The following TEX14 variants were observed in gnomAD, a reference collection of about 807,000 sequenced individuals.
TEX14 encodes the protein testis expressed 14, intercellular bridge forming factor.
TEX14 carries 168 observed loss-of-function variants against 178.6 expected under a neutral mutation model. The observed-to-expected ratio is 0.94, with a 90% CI of 0.83 to 1.07. The LOEUF (loss-of-function observed/expected upper bound fraction) is 1.07. Among genes scored for constraint, TEX14 ranks in the 50% least tolerant of loss-of-function variants. The probability of loss-of-function intolerance (pLI) is 0.00; values close to 1 mark genes in which losing one functional copy is unlikely to be tolerated. For missense variants in TEX14, 1,730 were observed against 1,753.6 expected (o/e 0.99, Z 0.24); for synonymous variants, 626 against 634.1 (o/e 0.99, Z 0.19).
chr17:58,561,689 G>GAGTA, intron 28 of TEX14, 77 bp from the exon 29 acceptor site: 1 of 940,216 alleles, frequency 1.1e-6, no homozygotes. Context: ...TAACACTTTA[G>GAGTA]AGTAGAAAGG....
At position 58,601,884 on chromosome 17, in the gene TEX14, C is replaced by T. The variant is rs762466661; in HGVS notation, c.1600G>A (p.Val534Ile). The change falls in exon 13 of 32, where the codon GTC becomes ATC. Residue 534 changes from valine (V) to isoleucine (I), a missense_variant. This residue lies in a region of TEX14 where 789 missense variants were observed against 681.2 expected (regional missense o/e 1.16). Coordinates refer to ENST00000349033, the MANE Select transcript of TEX14 (RefSeq NM_031272.5). ...RVQRYGLHPDVNVYLGLTSEH... is the reference protein window; with the variant it reads ...RVQRYGLHPDINVYLGLTSEH... Reference sequence around the variant, plus strand: ...GAAGTCAGTCCTAGATAGACATTGACATCGGGATGGAGTCCGTATCTCTGC... The same window carrying T: ...GAAGTCAGTCCTAGATAGACATTGATATCGGGATGGAGTCCGTATCTCTGC... 2 of 1,613,446 alleles carry T rather than the reference C, an allele frequency of 1.2e-6. No homozygotes were observed. The highest frequency in any genetic ancestry group is 1.1e-5 in the South Asian group (1 of 91,034).
intron 10 of TEX14, 144 bp from the exon 11 acceptor site, chr17:58,605,273 C>T: frequency 1.1e-6 from 1 of 882,254 alleles, no homozygotes; most frequent in African/African-American, 1.7e-5. Context: ...CTCACTGCAA[C>T]CTCTGCCACC....
intron 1 of TEX14, among the ~76,000 whole-genome samples, chr17:58,680,677 A>C (rs1217544424): frequency 1.1e-4 from 16 of 152,068 alleles, no homozygotes. Context: ...TGGAGGTTGC[A>C]ATGAGCTGAG....
In TEX14 at chr17:58,601,981, G is replaced by A. The variant is rs760465952; in HGVS notation, c.1528-25C>T. 16 of 1,610,792 alleles carry A rather than the reference G, an allele frequency of 9.9e-6. 1 individual carries two copies. The South Asian group carries it at 1.8e-4, about 18-fold the overall frequency. On this transcript the variant is annotated intron_variant, in intron 12 of 31. Transcript: ENST00000349033. ...CCTGTAACACAGGAAATATTGTCAA[G>A]GACATAGTCTCAGTCATCCTGAATG...
rs756491192 is a variant in TEX14 at position 58,573,277 on chromosome 17, T to TTA, written c.3414_3415insTA (p.Ile1139Ter). ...AAAGAGCTGTCTGGTTCATAGGAGATACTAGACAGGTCTTGAATATCCGTC... is the reference window on the plus strand; with the variant it reads ...AAAGAGCTGTCTGGTTCATAGGAGATTAACTAGACAGGTCTTGAATATCCGTC... On this transcript the variant is annotated frameshift_variant, in exon 23 of 32. Coordinates refer to ENST00000349033, the MANE Select transcript of TEX14 (RefSeq NM_031272.5). LOFTEE classifies it high-confidence loss of function. The TTA allele has an allele frequency of 1.9e-6, 3 of 1,613,336 alleles. No homozygotes were observed. The highest frequency in any genetic ancestry group is 2.5e-6 in the Non-Finnish European group (3 of 1,179,238).
At chr17:58,629,255 C>A (rs2046222214) in intron 3 of TEX14, among the ~76,000 whole-genome samples, 1 of 151,484 alleles carries the variant, frequency 6.6e-6, no homozygotes, top group African/African-American at 2.4e-5. Context: ...GAGTTCGAGA[C>A]CAGCCTGGCC....
chr17:58,604,968 C>G lies in TEX14; in HGVS notation c.1336+10G>C. The stretch of plus-strand genomic sequence containing the variant: ...GGGACTTTGGTCAACCATTAATGAT[C>G]TTGATCTACCTGTTAAAATCTCCTG... On this transcript the variant is annotated intron_variant, in intron 11 of 31. Transcript: ENST00000349033. 2 of 1,614,050 alleles carry G rather than the reference C, an allele frequency of 1.2e-6. No individual in the cohort carries two copies. The highest frequency in any genetic ancestry group is 1.7e-6 in the Non-Finnish European group (2 of 1,179,938).
At chr17:58,673,048 A>G (rs1232962649) in intron 1 of TEX14, among the ~76,000 whole-genome samples, 1 of 151,806 alleles carries the variant, frequency 6.6e-6, no homozygotes, top group Non-Finnish European at 1.5e-5. Flanking sequence ...CCTTTTATAC[A>G]TACTTTTTTT....
intron 2 of TEX14, among the ~76,000 whole-genome samples, chr17:58,639,955 G>A (rs909770531): frequency 3.9e-5 from 6 of 152,170 alleles, no homozygotes; most frequent in Non-Finnish European, 7.3e-5. Flanking sequence ...AGATAAAGAT[G>A]TTTGGTGAAT....
chr17:58,659,235 T>TCCCAAAAACAA (rs57065505), intron 1 of TEX14: 5 of 493,452 alleles, frequency 1.0e-5, no homozygotes, highest in Non-Finnish European at 1.3e-5. Flanking sequence ...AGCAAACACA[T>TCCCAAAAACAA]AGTAAAAACC....
Position 58,615,307 on chromosome 17 carries a change from A to C in TEX14, c.806T>G (p.Leu269Arg), listed in dbSNP as rs561158134. The C allele has an allele frequency of 6.2e-6, 10 of 1,613,558 alleles. No homozygotes were observed. In the Admixed American group the frequency reaches 8.3e-5, roughly 13 times the overall value. ...GCAGTGTGGGTGGGTGGGGAGATTCAGCTCTTTCACTGTGACCCTGCTCCC... is the reference window on the plus strand; with the variant it reads ...GCAGTGTGGGTGGGTGGGGAGATTCCGCTCTTTCACTGTGACCCTGCTCCC... ...WNGSRVTVKELNLPTHPHCSR... is the reference protein window; with the variant it reads ...WNGSRVTVKERNLPTHPHCSR... Residue 269 changes from leucine to arginine, a missense_variant, in exon 8 of 32, where the codon CTG (leucine) becomes CGG (arginine). By Grantham distance (102) the Leu-to-Arg change is moderately radical. Coordinates refer to ENST00000349033, the MANE Select transcript of TEX14 (RefSeq NM_031272.5).
chr17:58,611,973 C>T (rs1339570826), intron 9 of TEX14, among the ~76,000 whole-genome samples: 2 of 152,156 alleles, frequency 1.3e-5, no homozygotes, highest in Admixed American at 6.5e-5. Flanking sequence ...GGGAAGAGCC[C>T]TTCTTGGGGT....
In TEX14 at chr17:58,569,398, T is replaced by C. The variant is rs1327592569; in HGVS notation, c.3818-138A>G. The C allele has an allele frequency of 4.6e-6, 3 of 656,580 alleles. No homozygotes were observed. The highest frequency in any genetic ancestry group is 1.8e-5 in the African/African-American group (1 of 55,116). The allele number at this position is 656,580 out of a possible 1,614,324, so 40.7% of individuals were successfully genotyped here. On this transcript the variant is annotated intron_variant, in intron 25 of 31. Transcript: ENST00000349033. The surrounding 1 kb of genome is among the most constrained non-coding windows in gnomAD (Gnocchi z 4.1). ...CAAACTAAGGAGGAAGGAAGCCTCT[T>C]ACATAATAGTTCCAGTAGAGACCTC...
rs766136939 is a variant in TEX14 at position 58,571,950 on chromosome 17, C to T, written c.3688G>A (p.Glu1230Lys). ...CCAGTCAGTCTTGAAGGGGGAGTTT[C>T]AGAGGAAGTAAGGAGAGAATCCAGT... ...KKLDSLLTSS[E>K]TPPSRLTGLK... is the part of the protein sequence containing the mutation. Residue 1230 changes from glutamate to lysine, a missense_variant, in exon 24 of 32, where the codon GAA (glutamate) becomes AAA (lysine). This residue lies in a region of TEX14 where 941 missense variants were observed against 1,072.4 expected (regional missense o/e 0.88). Transcript: ENST00000349033. 6.2e-7 allele frequency: 1 copy of T among 1,614,088 alleles called. No individual in the cohort carries two copies. The highest frequency in any genetic ancestry group is 8.5e-7 in the Non-Finnish European group (1 of 1,180,026).
chr17:58,643,587 G>A (rs1243908879), intron 2 of TEX14, among the ~76,000 whole-genome samples: 2 of 151,468 alleles, frequency 1.3e-5, no homozygotes, highest in Non-Finnish European at 2.9e-5. Context: ...AAGTAACCTA[G>A]GGCTGGGCAC....
At chr17:58,684,653 A>C (rs1441049126) in intron 1 of TEX14, among the ~76,000 whole-genome samples, 1 of 150,278 alleles carries the variant, frequency 6.7e-6, no homozygotes, top group East Asian at 1.9e-4. Flanking sequence ...AAATAAATAA[A>C]TAAATAAATA....
At chr17:58,684,542 G>A (rs540201718) in intron 1 of TEX14, among the ~76,000 whole-genome samples, 1 of 151,620 alleles carries the variant, frequency 6.6e-6, no homozygotes, top group African/African-American at 2.4e-5. Context: ...GGCTGAGGCA[G>A]GAGAATCACT....
rs183355931 is a variant in TEX14, at chr17:58,684,612, G to A, written c.-2+7327C>T. 1.3e-3 allele frequency among the ~76,000 whole-genome samples: 189 copies of A among 150,926 alleles called. 2 individuals are homozygous for A. In the East Asian group the frequency reaches 0.034, roughly 27 times the overall value. The stretch of plus-strand genomic sequence containing the variant: ...CGTGCCACTGCACTCCAGCCTGGGC[G>A]ACAGTGAGACCCTGTCTCAAATAAA... On this transcript the variant is annotated intron_variant, in intron 1 of 31. Coordinates refer to ENST00000349033, the MANE Select transcript of TEX14 (RefSeq NM_031272.5).
intron 1 of TEX14, among the ~76,000 whole-genome samples, chr17:58,665,617 A>G (rs1297520186): frequency 1.3e-5 from 2 of 151,764 alleles, no homozygotes; most frequent in African/African-American, 4.8e-5. Context: ...AAAACAAAAA[A>G]ACCCACAACT....
Sources: gnomAD v4.1 joint callset for allele counts (sites outside exome capture counted in the v4.1 genomes callset) on GRCh38, gnomAD v4.1.1 for gene constraint, gnomAD v4.1.1 regional missense constraint, Gnocchi (gnomAD v3.1) non-coding constraint, MANE v1.5 for transcripts, NCBI Gene and HGNC (gene_info 2026-07-23, HGNC 2026-07-21) for gene names.